Variants in ACTMAP observed in about 807,000 individuals in gnomAD.
ACTMAP encodes the protein actin maturation protease.
At chr19:40,743,424 G>C in the ACTMAP span, among the ~76,000 whole-genome samples, 1 of 151,984 alleles carries the variant, frequency 6.6e-6, no homozygotes, top group Non-Finnish European at 1.5e-5. Context: ...GTAGAGACAG[G>C]GTATCACCAT....
the ACTMAP span, chr19:40,749,705 T>C: frequency 1.3e-6 from 2 of 1,522,564 alleles, no homozygotes; most frequent in South Asian, 1.2e-5. Flanking sequence ...CCAGGGGACT[T>C]GGGGGTAGAG....
the ACTMAP span, chr19:40,749,404 ACC>A: frequency 5.0e-5 from 59 of 1,173,576 alleles, no homozygotes; most frequent in Admixed American, 8.5e-5. Flanking sequence ...GGACACGGGA[ACC>A]CCCCCCCCAC....
chr19:40,744,181 C>G, the ACTMAP span: 1 of 1,588,714 alleles, frequency 6.3e-7, no homozygotes, highest in South Asian at 1.1e-5. Flanking sequence ...CTGGGCCAGC[C>G]TGCCCATATC....
At chr19:40,750,007 G>A in the ACTMAP span, 1 of 457,274 alleles carries the variant, frequency 2.2e-6, no homozygotes, top group Non-Finnish European at 3.8e-6. Flanking sequence ...AAGTCATAAG[G>A]CACCTGACGG....
the ACTMAP span, among the ~76,000 whole-genome samples, chr19:40,746,348 T>A: frequency 6.6e-6 from 1 of 152,136 alleles, no homozygotes; most frequent in African/African-American, 2.4e-5. Flanking sequence ...GCCTCCTGAG[T>A]AGCTGGGATT....
At chr19:40,746,981 A>G in the ACTMAP span, among the ~76,000 whole-genome samples, 1 of 151,498 alleles carries the variant, frequency 6.6e-6, no homozygotes, top group Non-Finnish European at 1.5e-5. Flanking sequence ...TAATTTTTAT[A>G]TTTTTGGTAG....
chr19:40,741,824 A>G, the ACTMAP span: 2 of 456,294 alleles, frequency 4.4e-6, no homozygotes, highest in East Asian at 1.4e-4. Flanking sequence ...ACACAGGTAG[A>G]GGGGCTGGCA....
the ACTMAP span, chr19:40,742,275 C>T: frequency 2.6e-6 from 2 of 781,924 alleles, no homozygotes. Flanking sequence ...CTAGAGGGAC[C>T]AGCTGGTGCT....
chr19:40,749,451 T>G, the ACTMAP span: 2 of 1,409,708 alleles, frequency 1.4e-6, no homozygotes, highest in South Asian at 1.2e-5. Flanking sequence ...GGGCAGAGCC[T>G]GGGTGGTGGG....
the ACTMAP span, chr19:40,744,828 G>C: frequency 7.8e-7 from 1 of 1,285,982 alleles, no homozygotes; most frequent in Non-Finnish European, 1.0e-6. Context: ...CCCTTCAGGG[G>C]AGAGCCCAGG....
the ACTMAP span, among the ~76,000 whole-genome samples, chr19:40,745,526 T>C: frequency 6.6e-6 from 1 of 152,322 alleles, no homozygotes; most frequent in Non-Finnish European, 1.5e-5. Flanking sequence ...CAACTCTTTT[T>C]CTTGCTCTGT....
the ACTMAP span, chr19:40,742,244 C>T: frequency 7.1e-4 from 511 of 724,768 alleles, 1 homozygote; most frequent in African/African-American, 5.5e-3. Flanking sequence ...CCGCAGGGTC[C>T]GGGCTGTTGT....
the ACTMAP span, among the ~76,000 whole-genome samples, chr19:40,748,825 C>T: frequency 1.8e-4 from 28 of 152,254 alleles, no homozygotes; most frequent in African/African-American, 6.3e-4. Flanking sequence ...ACTTGCTCAA[C>T]AGCACTCAGG....
At chr19:40,742,386 T>C in the ACTMAP span, 4 of 1,436,560 alleles carry the variant, frequency 2.8e-6, no homozygotes, top group East Asian at 1.0e-4. Flanking sequence ...GTAGGCACAC[T>C]TCAAATGGTT....
At chr19:40,742,120 T>C in the ACTMAP span, 1 of 566,364 alleles carries the variant, frequency 1.8e-6, no homozygotes, top group Non-Finnish European at 3.4e-6. Context: ...TCAGTGTCCC[T>C]GTCCTGTGAG....
the ACTMAP span, chr19:40,743,825 A>ACGGG: frequency 6.5e-7 from 1 of 1,549,276 alleles, no homozygotes. Context: ...CACCAGCACA[A>ACGGG]GGGGTGAGAA....
chr19:40,745,219 G>C, the ACTMAP span: 2 of 1,551,482 alleles, frequency 1.3e-6, no homozygotes, highest in South Asian at 1.2e-5. Context: ...GCCGTGCTCA[G>C]TCACCAGGGA....
chr19:40,749,412 C>G, the ACTMAP span: 77 of 1,428,190 alleles, frequency 5.4e-5, 1 homozygote, highest in South Asian at 8.4e-4. Context: ...GAACCCCCCC[C>G]CCACCCCAAG....
the ACTMAP span, chr19:40,749,842 G>T: frequency 1.5e-6 from 2 of 1,334,604 alleles, no homozygotes; most frequent in South Asian, 3.4e-5. Context: ...TTCAGAAAGC[G>T]GGGAGGGAAG....
Sources: allele counts gnomAD v4.1 joint callset (sites outside exome capture counted in the v4.1 genomes callset), GRCh38; gene constraint gnomAD v4.1.1; transcripts MANE v1.5; gene names NCBI Gene and HGNC (gene_info 2026-07-23, HGNC 2026-07-21).